Variants in MARCHF10 observed in about 807,000 individuals in gnomAD.
MARCHF10 encodes the protein probable E3 ubiquitin-protein ligase MARCHF10.
MARCHF10 carries 64 observed loss-of-function variants against 76.2 expected under a neutral mutation model. That is an observed-to-expected ratio of 0.84 (90% CI 0.69 to 1.03). MARCHF10 has a LOEUF of 1.03. Ranked by LOEUF, MARCHF10 falls within the 50% of genes least tolerant of loss-of-function variation. The pLI, the probability that MARCHF10 is intolerant of heterozygous loss-of-function variation, is 0.00. For synonymous variants in MARCHF10, 340 were observed against 357.5 expected (o/e 0.95, Z 0.55); for missense variants, 875 against 958.0 (o/e 0.91, Z 1.14).
intron 10 of MARCHF10, among the ~76,000 whole-genome samples, chr17:62,703,687 C>A (rs1454107825): frequency 2.6e-5 from 4 of 152,184 alleles, no homozygotes; most frequent in Non-Finnish European, 5.9e-5. Flanking sequence ...GGTCCCAGTT[C>A]CCGGAGGAAG....
intron 4 of MARCHF10, 61 bp downstream of exon 4, chr17:62,759,774 T>C: frequency 6.4e-7 from 1 of 1,551,564 alleles, no homozygotes; most frequent in Non-Finnish European, 8.8e-7. Context: ...CTCGGCCTGT[T>C]GTTGTTATTT....
chr17:62,745,655 C>T (rs1028527195), intron 4 of MARCHF10, among the ~76,000 whole-genome samples: 16 of 152,222 alleles, frequency 1.1e-4, no homozygotes, highest in South Asian at 6.2e-4. Flanking sequence ...CCCTACCCTC[C>T]ACTGTGTTGG....
intron 1 of MARCHF10, among the ~76,000 whole-genome samples, chr17:62,803,193 TG>T (rs1392009734): frequency 7.4e-6 from 1 of 135,154 alleles, no homozygotes; most frequent in African/African-American, 3.3e-5. Context: ...GAGGCTGAGG[TG>T]GGAGGATCGC....
At chr17:62,734,867 G>A (rs1041152056) in intron 6 of MARCHF10, among the ~76,000 whole-genome samples, 3 of 152,160 alleles carry the variant, frequency 2.0e-5, no homozygotes, top group African/African-American at 7.2e-5. Flanking sequence ...TAGCTCAAGG[G>A]CATCACTTTG....
chr17:62,750,845 C>A (rs192626851), intron 4 of MARCHF10, among the ~76,000 whole-genome samples: 64 of 152,308 alleles, frequency 4.2e-4, no homozygotes, highest in African/African-American at 1.5e-3. Flanking sequence ...AGCTCTGGGG[C>A]CTTTCTCGTC....
At chr17:62,707,942 A>G (rs1157894271) in intron 9 of MARCHF10, among the ~76,000 whole-genome samples, 2 of 152,052 alleles carry the variant, frequency 1.3e-5, no homozygotes, top group Admixed American at 1.3e-4. Flanking sequence ...CATCTCTACA[A>G]AAAATAAAAA....
At chr17:62,793,308 A>C (rs2092909765) in intron 2 of MARCHF10, among the ~76,000 whole-genome samples, 1 of 128,196 alleles carries the variant, frequency 7.8e-6, no homozygotes, top group Non-Finnish European at 1.6e-5. Flanking sequence ...CACCTCCATC[A>C]CCACCACCAC....
chr17:62,805,965 TC>T (rs2093157920), intron 1 of MARCHF10, among the ~76,000 whole-genome samples: 1 of 151,782 alleles, frequency 6.6e-6, no homozygotes, highest in African/African-American at 2.4e-5. Flanking sequence ...CCTACAAAAG[TC>T]TCTCTTCCTT....
chr17:62,740,167 C>T (rs1036449150), intron 5 of MARCHF10, among the ~76,000 whole-genome samples: 1 of 151,690 alleles, frequency 6.6e-6, no homozygotes, highest in South Asian at 2.1e-4. Context: ...TTATGTCTAT[C>T]AAATAGAGAG....
At chr17:62,793,095 TACC>T (rs1337262314) in intron 2 of MARCHF10, among the ~76,000 whole-genome samples, 2 of 58,814 alleles carry the variant, frequency 3.4e-5, no homozygotes, top group Admixed American at 1.7e-4. Flanking sequence ...CCACCTCCAT[TACC>T]ACCACCACCA....
Position 62,722,532 on chromosome 17 carries a change from C to G in MARCHF10, c.2170G>C (p.Asp724His). The G allele has an allele frequency of 6.2e-7, 1 of 1,613,922 alleles. No homozygotes were observed. The highest frequency in any genetic ancestry group is 1.1e-5 in the South Asian group (1 of 90,968). ...TGGTAGAACTCAATCATGTTAAAGTCACCCAGGTCAACCAGCAGGCCTTGC... is the reference window on the plus strand; with the variant it reads ...TGGTAGAACTCAATCATGTTAAAGTGACCCAGGTCAACCAGCAGGCCTTGC... ...CKQGLLVDLG[D>H]FNMIEFYQKH... The change falls in exon 8 of 11, where the codon GAC becomes CAC. Residue 724 changes from aspartate (D) to histidine (H), a missense_variant. Asp to His is a moderately conservative substitution (Grantham distance 81, BLOSUM62 -1). Transcript: ENST00000311269.
intron 8 of MARCHF10, among the ~76,000 whole-genome samples, chr17:62,717,519 C>A (rs1284837777): frequency 6.6e-6 from 1 of 152,264 alleles, no homozygotes; most frequent in East Asian, 1.9e-4. Context: ...CTTTCCCCAG[C>A]CGGGCTTCCT....
In MARCHF10 at chr17:62,743,555, A is replaced by C. The variant is rs2091593807; in HGVS notation, c.535+821T>G. ...CTACTTGGGAGGCTGAGGCATGTGA[A>C]TTGCTTGAATCCGGGAGGTGGAGGT... On this transcript the variant is annotated intron_variant, in intron 5 of 10. Transcript: ENST00000311269. Among the ~76,000 whole-genome samples, 3 of 152,140 alleles carry C rather than the reference A, an allele frequency of 2.0e-5. No individual in the cohort carries two copies. The South Asian group carries it at 6.2e-4, about 32-fold the overall frequency.
chr17:62,769,516 C>T (rs1015823667), intron 3 of MARCHF10, among the ~76,000 whole-genome samples: 1 of 152,158 alleles, frequency 6.6e-6, no homozygotes, highest in East Asian at 1.9e-4. Flanking sequence ...CCTGCAGGTT[C>T]AATTCTTGTG....
In MARCHF10 at chr17:62,788,980, G is replaced by A. The variant is rs546751389; in HGVS notation, c.91-381C>T. On this transcript the variant is annotated intron_variant, in intron 2 of 10. Coordinates refer to ENST00000311269, the MANE Select transcript of MARCHF10 (RefSeq NM_152598.4). ...CGGGAGGCTGAGGCAGGAGAATGGC[G>A]TGAACCCGGGAAGCGGAGCTTGCAG... Among the ~76,000 whole-genome samples the A allele has an allele frequency of 1.9e-4, 27 of 145,596 alleles. No individual in the cohort carries two copies. In the East Asian group the frequency reaches 5.2e-3, roughly 28 times the overall value.
chr17:62,801,852 T>C, intron 1 of MARCHF10, 100 bp from the exon 2 acceptor site: 1 of 896,034 alleles, frequency 1.1e-6, no homozygotes, highest in Non-Finnish European at 1.8e-6. Flanking sequence ...TGTGTATTCA[T>C]CTAATTTCCC....
chr17:62,768,703 T>C (rs2092386635), intron 3 of MARCHF10, among the ~76,000 whole-genome samples: 1 of 152,216 alleles, frequency 6.6e-6, no homozygotes, highest in African/African-American at 2.4e-5. Flanking sequence ...ATATATAGTC[T>C]TTTTCTGAAC....
chr17:62,701,953 T>C (rs887046878), intron 10 of MARCHF10, among the ~76,000 whole-genome samples, 195 bp from the exon 11 acceptor site: 6 of 152,116 alleles, frequency 3.9e-5, no homozygotes, highest in Admixed American at 2.0e-4. Context: ...GACTGCCCCA[T>C]TGGGGTTTCA....
intron 10 of MARCHF10, among the ~76,000 whole-genome samples, chr17:62,704,754 GC>G (rs1287129585): frequency 6.6e-6 from 1 of 152,240 alleles, no homozygotes; most frequent in Admixed American, 6.5e-5. Flanking sequence ...TGATGGCAAA[GC>G]CCATGTGGGA....
Sources: gnomAD v4.1 joint callset for allele counts (sites outside exome capture counted in the v4.1 genomes callset) on GRCh38, gnomAD v4.1.1 for gene constraint, MANE v1.5 for transcripts, NCBI Gene and HGNC (gene_info 2026-07-23, HGNC 2026-07-21) for gene names.